Variants in PCYT1B observed in about 807,000 individuals in gnomAD.
PCYT1B encodes phosphate cytidylyltransferase 1B, choline.
A neutral mutation model predicts 26.4 loss-of-function variants in PCYT1B; 10 were observed. That is an observed-to-expected ratio of 0.38 (90% confidence interval 0.23 to 0.64). The LOEUF (loss-of-function observed/expected upper bound fraction) is 0.64, where lower values mean the gene tolerates loss of function less well. Ranked by LOEUF, PCYT1B falls within the 30% of genes least tolerant of loss-of-function variation. PCYT1B has a pLI of 0.56. For synonymous variants in PCYT1B, 131 were observed against 108.4 expected (o/e 1.21, Z -1.29); for missense variants, 161 against 292.7 (o/e 0.55, Z 3.28).
chrX:24,656,877 G>C (rs1425602595), intron 1 of PCYT1B, among the ~76,000 whole-genome samples: 4 of 111,329 alleles, frequency 3.6e-5, no homozygotes, highest in Non-Finnish European at 7.5e-5. Context: ...CATTGCACCT[G>C]TGTTTAAGAA....
intron 7 of PCYT1B, among the ~76,000 whole-genome samples, chrX:24,573,433 G>A (rs1262050169): frequency 9.0e-6 from 1 of 110,990 alleles, no homozygotes; most frequent in Non-Finnish European, 1.9e-5. Context: ...CCCAAAGTGG[G>A]AAATTACATT....
In PCYT1B at chrX:24,573,088, A is replaced by G. The variant is rs755629633; in HGVS notation, c.897+2042T>C. Among the ~76,000 whole-genome samples the G allele has an allele frequency of 1.6e-4, 17 of 104,921 alleles. No homozygotes were observed. The South Asian group carries it at 4.8e-3, about 30-fold the overall frequency. 91.1% of individuals were successfully genotyped at this position (104,921 alleles called of 115,157 possible). ...CACAGAAATACACACACATAGATAT[A>G]CACACATATACACACACATATATAC... On this transcript the variant is annotated intron_variant, in intron 7 of 7. Coordinates refer to ENST00000379144, the MANE Select transcript of PCYT1B (RefSeq NM_004845.5).
intron 1 of PCYT1B, among the ~76,000 whole-genome samples, chrX:24,657,006 T>A (rs1926936044): frequency 8.9e-6 from 1 of 111,817 alleles, no homozygotes; most frequent in Non-Finnish European, 1.9e-5. Context: ...GACGGCAGGG[T>A]TTTTTGCATA....
intron 7 of PCYT1B, among the ~76,000 whole-genome samples, chrX:24,567,072 T>C (rs182410917): frequency 8.9e-6 from 1 of 112,377 alleles, no homozygotes; most frequent in Admixed American, 9.5e-5. Context: ...CTTGAACTTC[T>C]AGCAGGCACT....
chrX:24,610,649 C>T (rs887870753), intron 2 of PCYT1B, among the ~76,000 whole-genome samples: 5 of 111,524 alleles, frequency 4.5e-5, no homozygotes, highest in African/African-American at 1.6e-4. Context: ...AGAAAGAAGA[C>T]GTAATTACTG....
chrX:24,607,364 A>T (rs1185903373), intron 3 of PCYT1B, among the ~76,000 whole-genome samples: 2 of 111,805 alleles, frequency 1.8e-5, no homozygotes, highest in Non-Finnish European at 3.8e-5. Context: ...CATCATCCTA[A>T]CTCCCTTTAG....
chrX:24,665,546 C>T (rs899366625), intron 1 of PCYT1B, among the ~76,000 whole-genome samples: 2 of 111,289 alleles, frequency 1.8e-5, no homozygotes, highest in Non-Finnish European at 3.8e-5. Context: ...CTGCCTCGGC[C>T]TCCCAAACTG....
rs1005110360 is a variant in PCYT1B, at chrX:24,664,955, CA to C, written c.63+7614del. 8.7e-5 allele frequency among the ~76,000 whole-genome samples: 9 copies of C among 103,986 alleles called. No individual in the cohort carries two copies. In the East Asian group the frequency reaches 9.0e-4, roughly 10 times the overall value. 90.3% of individuals were successfully genotyped at this position (103,986 alleles called of 115,157 possible). A position where few individuals can be genotyped will look rare whatever the true frequency, so the allele number is the denominator to read the frequency against. ...CCTGGGTGACAGAGCAAGACTGTCT[CA>C]AAAAAAAAATTAAAATTAAAAATTA... On this transcript the variant is annotated intron_variant, in intron 1 of 7. Coordinates refer to the PCYT1B transcript ENST00000379145.
chrX:24,644,677 A>G (rs927454453), intron 1 of PCYT1B, among the ~76,000 whole-genome samples: 1 of 111,300 alleles, frequency 9.0e-6, no homozygotes, highest in Admixed American at 9.6e-5. Flanking sequence ...TATTTCTACA[A>G]TGGGTGGGAG....
At chrX:24,656,056 G>A (rs1379881437) in intron 1 of PCYT1B, among the ~76,000 whole-genome samples, 1 of 98,378 alleles carries the variant, frequency 1.0e-5, no homozygotes, top group Non-Finnish European at 2.0e-5. Flanking sequence ...TTGAACACGG[G>A]AGGCGGAGGC....
At chrX:24,612,687 A>G (rs1925345557) in intron 2 of PCYT1B, among the ~76,000 whole-genome samples, 1 of 112,477 alleles carries the variant, frequency 8.9e-6, no homozygotes, top group African/African-American at 3.2e-5. Flanking sequence ...CATAAACTGC[A>G]GATAGGAATT....
intron 7 of PCYT1B, among the ~76,000 whole-genome samples, chrX:24,574,094 G>A (rs777388205): frequency 9.0e-6 from 1 of 111,695 alleles, no homozygotes; most frequent in South Asian, 3.7e-4. Flanking sequence ...AGAGGTAGCA[G>A]TGACAACCCG....
intron 5 of PCYT1B, among the ~76,000 whole-genome samples, chrX:24,583,403 C>T: frequency 9.0e-6 from 1 of 111,654 alleles, no homozygotes. Context: ...CCACCAACAT[C>T]TGATTACAAC....
chrX:24,669,254 T>C (rs6629904), intron 1 of PCYT1B, among the ~76,000 whole-genome samples: 43,757 of 110,159 alleles, frequency 0.4, 7,779 homozygotes, highest in Non-Finnish European at 0.54. Context: ...CAGTGGCTCA[T>C]GCCTGTAATC....
intron 1 of PCYT1B, among the ~76,000 whole-genome samples, chrX:24,623,807 T>C (rs924021971): frequency 6.3e-5 from 7 of 110,515 alleles, no homozygotes; most frequent in Non-Finnish European, 1.1e-4. Context: ...ATTACTTAAG[T>C]GCAAAAAAAT....
In PCYT1B at chrX:24,560,542, G is replaced by C. The variant is rs1210037750; in HGVS notation, c.*1751C>G. The C allele has an allele frequency of 8.9e-6, 1 of 112,141 alleles. No individual in the cohort carries two copies. Among genetic ancestry groups the C allele is most frequent in the Non-Finnish European group, 1.9e-5 (1 of 53,199 alleles). 9.2% of individuals were successfully genotyped at this position (112,141 alleles called of 1,213,427 possible). On this transcript the variant is annotated 3_prime_UTR_variant, in exon 8 of 8. Transcript: ENST00000379144. Reference sequence around the variant, plus strand: ...CATATGAGTGCTTCCCAGAGTCCTGGAGAAGGAAAGTGCCAAGAACAAAGA... The same window carrying C: ...CATATGAGTGCTTCCCAGAGTCCTGCAGAAGGAAAGTGCCAAGAACAAAGA...
intron 2 of PCYT1B, among the ~76,000 whole-genome samples, chrX:24,609,111 T>C (rs977426478): frequency 2.7e-5 from 3 of 112,129 alleles, no homozygotes; most frequent in East Asian, 2.8e-4. Context: ...AGACATTTTA[T>C]TCTTGCAGTG....
intron 5 of PCYT1B, among the ~76,000 whole-genome samples, chrX:24,581,215 CAG>C (rs1211402252): frequency 5.3e-5 from 6 of 112,224 alleles, no homozygotes; most frequent in South Asian, 3.7e-4. Flanking sequence ...TCTCTGGATT[CAG>C]AGTCAAATCC....
intron 4 of PCYT1B, among the ~76,000 whole-genome samples, chrX:24,588,711 A>G (rs1924452917): frequency 9.0e-6 from 1 of 111,576 alleles, no homozygotes; most frequent in South Asian, 3.8e-4. Context: ...GCATTGGCAC[A>G]TGCTTAGCTT....
Sources: gnomAD v4.1 joint callset for allele counts (sites outside exome capture counted in the v4.1 genomes callset) on GRCh38, gnomAD v4.1.1 for gene constraint, MANE v1.5 for transcripts, NCBI Gene and HGNC (gene_info 2026-07-23, HGNC 2026-07-21) for gene names.